Variants in CEP57L1 observed in about 807,000 individuals in gnomAD.
The protein encoded by CEP57L1 is centrosomal protein CEP57L1.
In CEP57L1, 37 loss-of-function variants were observed where a neutral mutation model predicts 61.0. The observed-to-expected ratio is 0.61, with a 90% CI of 0.47 to 0.80. CEP57L1 has a LOEUF of 0.80. Among genes scored for constraint, CEP57L1 ranks in the 30% least tolerant of loss-of-function variants. The pLI is 0.00. For missense variants in CEP57L1, 422 were observed against 524.7 expected (o/e 0.80, Z 1.91); for synonymous variants, 137 against 162.3 (o/e 0.84, Z 1.19).
intron 1 of CEP57L1, among the ~76,000 whole-genome samples, chr6:109,126,195 AT>A (rs1209170340): frequency 6.6e-6 from 1 of 152,200 alleles, no homozygotes; most frequent in African/African-American, 2.4e-5. Context: ...AAGAATAAAC[AT>A]AATTGCCCTT....
intron 1 of CEP57L1, among the ~76,000 whole-genome samples, chr6:109,135,741 A>G (rs1774798677): frequency 6.6e-6 from 1 of 152,170 alleles, no homozygotes; most frequent in African/African-American, 2.4e-5. Flanking sequence ...AGCCGCATCA[A>G]CAAGTGGGCA....
chr6:109,109,583 C>T (rs566161370), intron 1 of CEP57L1, among the ~76,000 whole-genome samples: 1 of 152,222 alleles, frequency 6.6e-6, no homozygotes, highest in African/African-American at 2.4e-5. Context: ...GATACATATG[C>T]AGAACGTGCA....
In CEP57L1 at chr6:109,146,893, A is replaced by G; in HGVS notation, c.296A>G (p.Asn99Ser). 6.2e-7 allele frequency: 1 copy of G among 1,609,390 alleles called. No individual in the cohort carries two copies. The change falls in exon 3 of 11, where the codon AAT becomes AGT. Residue 99 changes from asparagine to serine, a missense_variant. Transcript: ENST00000517392. ...AAGAAGGCCTTAGAGAATGAAACAA[A>G]TGAGAGAAATCTGGCACACCAGGAG... ...QYKKALENETNERNLAHQELI... is the reference protein window; with the variant it reads ...QYKKALENETSERNLAHQELI...
Position 109,145,214 on chromosome 6 carries a change from T to C in CEP57L1, c.-3-5T>C. On this transcript the variant is annotated splice_region_variant and splice_polypyrimidine_tract_variant and intron_variant, in intron 1 of 10. Transcript: ENST00000517392. The stretch of plus-strand genomic sequence containing the variant: ...GATACTATATCATTCCTTTATTCTC[T>C]ACAGATAATGGATTCTGAATTAATG... The C allele has an allele frequency of 1.3e-6, 2 of 1,543,562 alleles. No individual in the cohort carries two copies. Among genetic ancestry groups the C allele is most frequent in the Non-Finnish European group, 1.8e-6 (2 of 1,131,620 alleles).
intron 1 of CEP57L1, among the ~76,000 whole-genome samples, chr6:109,125,278 A>C (rs1773414885): frequency 6.6e-6 from 1 of 152,100 alleles, no homozygotes; most frequent in Non-Finnish European, 1.5e-5. Flanking sequence ...CTTTCTTTTA[A>C]AACTAGTCGA....
intron 1 of CEP57L1, among the ~76,000 whole-genome samples, chr6:109,101,008 G>A (rs1782323945): frequency 6.6e-6 from 1 of 152,144 alleles, no homozygotes; most frequent in Admixed American, 6.5e-5. Flanking sequence ...TCAGGAGGCT[G>A]AGGCAGGAGA....
chr6:109,103,796 A>G (rs377179359), intron 1 of CEP57L1, among the ~76,000 whole-genome samples: 3 of 152,180 alleles, frequency 2.0e-5, no homozygotes, highest in East Asian at 1.9e-4. Context: ...TATACGCAAC[A>G]TACAATATGA....
rs1163299191 is a variant in CEP57L1 at position 109,145,371 on chromosome 6, A to C, written c.150A>C (p.Pro50=). 3.1e-6 allele frequency: 5 copies of C among 1,597,216 alleles called. No individual in the cohort carries two copies. The African/African-American group carries it at 6.7e-5, about 21-fold the overall frequency. Residue 50 remains proline (P), a synonymous_variant, in exon 2 of 11, where the codon CCA becomes CCC. Transcript: ENST00000517392. ...EVTSPKILHS[P]NSQALILALK... ...CCTCTCCTAAGATACTTCATAGCCC[A>C]AATAGCCAAGGTAATGCTGATATAA...
At chr6:109,105,808 C>T (rs1369227660) in intron 1 of CEP57L1, among the ~76,000 whole-genome samples, 2 of 152,156 alleles carry the variant, frequency 1.3e-5, no homozygotes, top group African/African-American at 4.8e-5. Context: ...AACGAGACCA[C>T]ACAGCAGGGG....
intron 1 of CEP57L1, among the ~76,000 whole-genome samples, chr6:109,128,757 GATT>G (rs1773854448): frequency 6.6e-6 from 1 of 152,114 alleles, no homozygotes; most frequent in Non-Finnish European, 1.5e-5. Flanking sequence ...CGTTCTCAAT[GATT>G]ATACATTCTG....
chr6:109,166,381 C>CTT lies in CEP57L1; in HGVS notation c.*3426_*3427dup, dbSNP rs559614206. Among the ~76,000 whole-genome samples the CTT allele has an allele frequency of 4.2e-4, 56 of 134,528 alleles. No individual in the cohort carries two copies. The highest frequency in any genetic ancestry group is 1.4e-3 in the South Asian group (6 of 4,172). The allele number at this position is 134,528 out of a possible 152,430, so 88.3% of individuals were successfully genotyped here. A position where few individuals can be genotyped will look rare whatever the true frequency, so the allele number is the denominator to read the frequency against. ...GTAATTTTAACTATAAATGTATATTCTTTTTTTTTTTTTTTTGGTGGGCAT... is the reference window on the plus strand; with the variant it reads ...GTAATTTTAACTATAAATGTATATTCTTTTTTTTTTTTTTTTTTGGTGGGCAT... On this transcript the variant is annotated 3_prime_UTR_variant, in exon 11 of 11. Transcript: ENST00000517392.
intron 1 of CEP57L1, among the ~76,000 whole-genome samples, chr6:109,135,007 C>G (rs1350013218): frequency 2.0e-5 from 3 of 152,154 alleles, no homozygotes; most frequent in African/African-American, 7.2e-5. Flanking sequence ...TTTATAGATT[C>G]AATGCCATCC....
rs1372089437 is a variant in CEP57L1, at chr6:109,146,936, AG to A, written c.340+1del. ...ACCAGGAGCTGATAAAGCAGAAAAA[AG>A]GTAAGAAATGCAGTAGTTCTCAGAA... The part of the protein sequence containing the change: ...AHQELIKQKK[D>X]ISIQLSSAQS... On this transcript the variant is annotated frameshift_variant and splice_region_variant, in exon 3 of 11. Transcript: ENST00000517392. LOFTEE classifies it high-confidence loss of function. 1 of 1,603,742 alleles carries A rather than the reference AG, an allele frequency of 6.2e-7. No individual in the cohort carries two copies. The highest frequency in any genetic ancestry group is 8.5e-7 in the Non-Finnish European group (1 of 1,176,752).
At chr6:109,160,997 C>G (rs1773670464) in intron 10 of CEP57L1, among the ~76,000 whole-genome samples, 1 of 152,152 alleles carries the variant, frequency 6.6e-6, no homozygotes, top group South Asian at 2.1e-4. Flanking sequence ...ACTAAACTTG[C>G]CTTAGCAGCC....
intron 1 of CEP57L1, among the ~76,000 whole-genome samples, chr6:109,140,832 T>G (rs1016230303): frequency 6.6e-6 from 1 of 152,052 alleles, no homozygotes; most frequent in Non-Finnish European, 1.5e-5. Context: ...TTAGAGTTTT[T>G]TATTTATTTA....
At chr6:109,113,761 A>G (rs950068246) in intron 1 of CEP57L1, among the ~76,000 whole-genome samples, 32 of 152,168 alleles carry the variant, frequency 2.1e-4, no homozygotes, top group Non-Finnish European at 8.8e-5. Flanking sequence ...TGTTGTATGT[A>G]TTTCTATTAC....
rs1184108334 is a variant in CEP57L1 at position 109,171,597 on chromosome 6, C to G, written c.*8627C>G. ...ACTAAAATACTATCAGTTTAAACTA[C>G]CATCTACAGAAATAAAAAACATAAA... On this transcript the variant is annotated 3_prime_UTR_variant, in exon 11 of 11. Transcript: ENST00000517392. 6.6e-6 allele frequency among the ~76,000 whole-genome samples: 1 copy of G among 152,000 alleles called. No homozygotes were observed. The highest frequency in any genetic ancestry group is 1.5e-5 in the Non-Finnish European group (1 of 68,004).
At chr6:109,101,828 C>T (rs1345710834) in intron 1 of CEP57L1, among the ~76,000 whole-genome samples, 1 of 152,062 alleles carries the variant, frequency 6.6e-6, no homozygotes, top group Non-Finnish European at 1.5e-5. Flanking sequence ...ACCGTGTTAG[C>T]CAAGATGGTC....
intron 1 of CEP57L1, among the ~76,000 whole-genome samples, chr6:109,105,707 G>A (rs1410990392): frequency 6.6e-6 from 1 of 152,106 alleles, no homozygotes; most frequent in East Asian, 1.9e-4. Flanking sequence ...GCACATGTAT[G>A]TTTTGAAATT....
Sources: allele counts gnomAD v4.1 joint callset (sites outside exome capture counted in the v4.1 genomes callset), GRCh38; gene constraint gnomAD v4.1.1; transcripts MANE v1.5; gene names NCBI Gene and HGNC (gene_info 2026-07-23, HGNC 2026-07-21).